The following RNGTT variants were observed in gnomAD, a reference collection of about 807,000 sequenced individuals.
The protein encoded by RNGTT is mRNA-capping enzyme.
RNGTT carries 33 observed loss-of-function variants against 79.3 expected under a neutral mutation model. The observed-to-expected ratio is 0.42, with a 90% CI of 0.32 to 0.56. The LOEUF (loss-of-function observed/expected upper bound fraction) is 0.56. Ranked by LOEUF, RNGTT falls within the 20% of genes least tolerant of loss-of-function variation. The probability of loss-of-function intolerance (pLI) is 0.17; values close to 1 mark genes in which losing one functional copy is unlikely to be tolerated. For synonymous variants in RNGTT, 222 were observed against 235.9 expected, an observed-to-expected ratio of 0.94 and a Z score of 0.54; for missense variants, 497 against 739.1, an observed-to-expected ratio of 0.67 and a Z score of 3.80.
At chr6:88,795,701 C>A (rs6938158) in intron 12 of RNGTT, among the ~76,000 whole-genome samples, 152,233 of 152,250 alleles carry the variant, frequency 1, 76,108 homozygotes, top group Middle Eastern at 1. Context: ...AAAACCACCA[C>A]CAAAAAAAGC....
intron 13 of RNGTT, among the ~76,000 whole-genome samples, chr6:88,702,248 A>G (rs1267632750): frequency 2.6e-5 from 4 of 152,198 alleles, no homozygotes; most frequent in Admixed American, 6.5e-5. Flanking sequence ...AAGAACCTGA[A>G]TAGCTAAAGC....
intron 14 of RNGTT, among the ~76,000 whole-genome samples, chr6:88,624,750 G>A (rs888181489): frequency 6.6e-6 from 1 of 151,696 alleles, no homozygotes; most frequent in African/African-American, 2.4e-5. Flanking sequence ...TAAAACTTAT[G>A]CTCTCTAAAT....
intron 2 of RNGTT, among the ~76,000 whole-genome samples, chr6:88,931,244 T>A (rs886978530): frequency 2.7e-5 from 4 of 146,746 alleles, no homozygotes. Context: ...TATATGAAGA[T>A]CTTCAGAGTA....
chr6:88,919,329 A>G (rs1041876880), intron 4 of RNGTT, among the ~76,000 whole-genome samples: 5 of 152,244 alleles, frequency 3.3e-5, no homozygotes, highest in Admixed American at 6.5e-5. Flanking sequence ...GCAAGCTAAT[A>G]TAATGAAATA....
intron 12 of RNGTT, among the ~76,000 whole-genome samples, chr6:88,780,665 G>A (rs916636426): frequency 4.0e-5 from 6 of 151,888 alleles, no homozygotes; most frequent in East Asian, 1.9e-4. Context: ...AGGTGTAAAC[G>A]TAATTACCAA....
intron 8 of RNGTT, among the ~76,000 whole-genome samples, chr6:88,872,030 A>G (rs533718056): frequency 2.2e-4 from 34 of 152,248 alleles, no homozygotes; most frequent in African/African-American, 6.5e-4. Flanking sequence ...CCACCATTAA[A>G]TTAGACATAC....
chr6:88,700,296 T>G (rs1775902288), intron 13 of RNGTT, among the ~76,000 whole-genome samples: 2 of 152,130 alleles, frequency 1.3e-5, no homozygotes, highest in South Asian at 4.1e-4. Context: ...ATCCCTTTCT[T>G]TATTCCCCAA....
In RNGTT at chr6:88,785,152, T is replaced by C. The variant is rs147419613; in HGVS notation, c.1339-15278A>G. Among the ~76,000 whole-genome samples the C allele has an allele frequency of 2.1e-3, 315 of 152,266 alleles. 1 individual carries two copies. The highest frequency in any genetic ancestry group is 6.6e-3 in the African/African-American group (273 of 41,576). ...GAACTATCCCTAATTCATTAAGTGT[T>C]TAATATGTATCATTTATATGAGAAC... On this transcript the variant is annotated intron_variant, in intron 12 of 15. Transcript: ENST00000369485.
intron 4 of RNGTT, among the ~76,000 whole-genome samples, chr6:88,913,232 A>C (rs1454979198): frequency 2.7e-5 from 4 of 150,192 alleles, no homozygotes; most frequent in South Asian, 2.1e-4. Flanking sequence ...AAAAACAAAA[A>C]AAAAAAAGCC....
intron 13 of RNGTT, among the ~76,000 whole-genome samples, chr6:88,755,372 TAGATCCAAACAAAACA>T (rs944085185): frequency 5.9e-5 from 9 of 152,074 alleles, no homozygotes; most frequent in South Asian, 4.2e-4. Flanking sequence ...CCAAACAATT[TAGATCCAAACAAAACA>T]AGATCCAAAC....
At chr6:88,961,256 T>C (rs748372284) in intron 1 of RNGTT, among the ~76,000 whole-genome samples, 6 of 152,180 alleles carry the variant, frequency 3.9e-5, no homozygotes, top group Non-Finnish European at 5.9e-5. Context: ...CTCAGTTTGC[T>C]GACAACCTAT....
intron 12 of RNGTT, among the ~76,000 whole-genome samples, chr6:88,790,325 T>C (rs1779365979): frequency 2.0e-5 from 3 of 152,116 alleles, no homozygotes; most frequent in African/African-American, 4.8e-5. Context: ...GGAAAGTCTA[T>C]AGAAGGACCA....
At chr6:88,925,596 A>T (rs1562037630) in intron 4 of RNGTT, among the ~76,000 whole-genome samples, 1 of 114,692 alleles carries the variant, frequency 8.7e-6, no homozygotes, top group African/African-American at 3.2e-5. Flanking sequence ...TTACCTCATA[A>T]AAAAAAAAAA....
chr6:88,768,173 T>C (rs1299702023), intron 13 of RNGTT, among the ~76,000 whole-genome samples: 1 of 151,760 alleles, frequency 6.6e-6, no homozygotes, highest in African/African-American at 2.4e-5. Flanking sequence ...TCTTTTTCTT[T>C]CTTTTTTTTT....
chr6:88,963,564 G>A lies in RNGTT; in HGVS notation c.-155C>T, dbSNP rs1472892582. Reference sequence around the variant, plus strand: ...CTCCGATCCGGGTAACGTCAGGGGCGGCGCGCCACTTTCATTCAGGATCAA... The same window carrying A: ...CTCCGATCCGGGTAACGTCAGGGGCAGCGCGCCACTTTCATTCAGGATCAA... On this transcript the variant is annotated 5_prime_UTR_variant, in exon 1 of 16. Transcript: ENST00000369485. 7.8e-6 allele frequency: 5 copies of A among 639,472 alleles called. No homozygotes were observed. Among genetic ancestry groups the A allele is most frequent in the Non-Finnish European group, 1.2e-5 (5 of 400,988 alleles). The allele number at this position is 639,472 out of a possible 1,614,324, so 39.6% of individuals were successfully genotyped here. A position where few individuals can be genotyped will look rare whatever the true frequency, so the allele number is the denominator to read the frequency against.
intron 11 of RNGTT, among the ~76,000 whole-genome samples, chr6:88,830,803 TAA>T (rs1387166351): frequency 6.6e-6 from 1 of 151,958 alleles, no homozygotes; most frequent in Non-Finnish European, 1.5e-5. Flanking sequence ...GAGAATACTA[TAA>T]ACACCTCTAT....
intron 2 of RNGTT, among the ~76,000 whole-genome samples, chr6:88,936,766 T>C (rs1054506912): frequency 9.9e-5 from 15 of 152,232 alleles, no homozygotes; most frequent in African/African-American, 3.4e-4. Context: ...AACATAATGC[T>C]AGCTTTACAG....
intron 12 of RNGTT, among the ~76,000 whole-genome samples, chr6:88,776,318 G>T (rs55693280): frequency 0.024 from 3,460 of 146,028 alleles, 159 homozygotes; most frequent in African/African-American, 0.083. Flanking sequence ...TACACCTTTT[G>T]ACCTTTTTTT....
intron 13 of RNGTT, among the ~76,000 whole-genome samples, chr6:88,758,967 G>A (rs987688782): frequency 1.3e-5 from 2 of 152,138 alleles, no homozygotes; most frequent in African/African-American, 2.4e-5. Flanking sequence ...CCATGTTGGT[G>A]TGCTTCACCC....
Sources: allele counts gnomAD v4.1 joint callset (sites outside exome capture counted in the v4.1 genomes callset), GRCh38; gene constraint gnomAD v4.1.1; transcripts MANE v1.5; gene names NCBI Gene and HGNC (gene_info 2026-07-23, HGNC 2026-07-21).